TRIP12: variants seen among roughly 807,000 people sequenced by gnomAD.
TRIP12 encodes E3 ubiquitin-protein ligase TRIP12.
A neutral mutation model predicts 244.2 loss-of-function variants in TRIP12; 25 were observed. The observed-to-expected ratio is 0.10, with a 90% CI of 0.07 to 0.14. The LOEUF is 0.14. Ranked by LOEUF, TRIP12 falls within the 10% of genes least tolerant of loss-of-function variation. The pLI is 1.00. For missense variants in TRIP12, 1,677 were observed against 2,486.4 expected, an observed-to-expected ratio of 0.67 and a Z score of 6.92; for synonymous variants, 905 against 873.1, an observed-to-expected ratio of 1.04 and a Z score of -0.64.
At position 229,791,204 on chromosome 2, in the gene TRIP12, C is replaced by G. The variant is rs759895324; in HGVS notation, c.4463G>C (p.Gly1488Ala). 1 of 1,613,970 alleles carries G rather than the reference C, an allele frequency of 6.2e-7. No individual in the cohort carries two copies. The highest frequency in any genetic ancestry group is 1.3e-5 in the African/African-American group (1 of 74,914). Residue 1488 changes from glycine to alanine, a missense_variant, in exon 30 of 42, where the codon GGT (glycine) becomes GCT (alanine). Coordinates refer to ENST00000675903, the MANE Select transcript of TRIP12 (RefSeq NM_001348323.3). ...TGTTTGGGCTCTTCCTCTTTTACCACCAACACAATCTTTATTACTTTCTTC... is the reference window on the plus strand; with the variant it reads ...TGTTTGGGCTCTTCCTCTTTTACCAGCAACACAATCTTTATTACTTTCTTC... ...EDEESNKDCV[G>A]GKRGRAQTAP... is the part of the protein sequence containing the mutation.
chr2:229,882,284 C>A (rs906579077), intron 1 of TRIP12, among the ~76,000 whole-genome samples: 19 of 152,084 alleles, frequency 1.2e-4, no homozygotes, highest in African/African-American at 4.1e-4. Flanking sequence ...AAAATAAAAT[C>A]TAATATATTG....
At chr2:229,849,779 G>A (rs2058293249) in intron 4 of TRIP12, among the ~76,000 whole-genome samples, 2 of 151,964 alleles carry the variant, frequency 1.3e-5, no homozygotes, top group South Asian at 4.2e-4. Flanking sequence ...ATGCTGAGGT[G>A]GGAACACTGT....
chr2:229,803,826 CAA>C (rs201866032), intron 19 of TRIP12, 137 bp from the exon 20 acceptor site: 14,062 of 861,530 alleles, frequency 0.016, 137 homozygotes, highest in Middle Eastern at 0.021. Flanking sequence ...CTTAAATGCT[CAA>C]GTTTTATATT....
rs2031514282 is a variant in TRIP12 at position 229,765,722 on chromosome 2, T to C, written c.*1832A>G. The C allele has an allele frequency of 1.3e-5, 2 of 152,362 alleles. No homozygotes were observed. The highest frequency in any genetic ancestry group is 1.9e-4 in the East Asian group (1 of 5,190). 9.4% of individuals were successfully genotyped at this position (152,362 alleles called of 1,614,324 possible). On this transcript the variant is annotated 3_prime_UTR_variant, in exon 42 of 42. Coordinates refer to ENST00000675903, the MANE Select transcript of TRIP12 (RefSeq NM_001348323.3). ...AATTTGCAGGAAGATATCAGAACAGTTGAAAACAAATTGTTTCAGTCTTTA... is the reference window on the plus strand; with the variant it reads ...AATTTGCAGGAAGATATCAGAACAGCTGAAAACAAATTGTTTCAGTCTTTA...
intron 13 of TRIP12, among the ~76,000 whole-genome samples, chr2:229,813,326 A>G (rs552966667): frequency 1.3e-5 from 2 of 152,324 alleles, no homozygotes; most frequent in South Asian, 4.1e-4. Flanking sequence ...AAAAGTCAAA[A>G]TTGTTAAAGT....
intron 38 of TRIP12, 47 bp downstream of exon 38, chr2:229,774,050 C>T (rs757815614): frequency 3.2e-6 from 5 of 1,582,768 alleles, no homozygotes; most frequent in East Asian, 2.2e-5. Context: ...CAGGCAAAGT[C>T]CTCCGTCTTC....
intron 1 of TRIP12, among the ~76,000 whole-genome samples, chr2:229,911,744 G>T (rs1031958301): frequency 6.6e-6 from 1 of 151,954 alleles, no homozygotes; most frequent in Admixed American, 6.6e-5. Context: ...AATTAAAGGG[G>T]TAACAACTCT....
At chr2:229,792,526 G>C (rs2041804148) in intron 27 of TRIP12, among the ~76,000 whole-genome samples, 1 of 152,174 alleles carries the variant, frequency 6.6e-6, no homozygotes, top group African/African-American at 2.4e-5. Flanking sequence ...TTTTGTGCAT[G>C]AAACAAAGTG....
chr2:229,769,472 A>AT, intron 39 of TRIP12, 147 bp from the exon 40 acceptor site: 1 of 403,670 alleles, frequency 2.5e-6, no homozygotes, highest in Non-Finnish European at 4.2e-6. Flanking sequence ...AAAAAAAAAT[A>AT]ATAATAAAAT....
Position 229,860,387 on chromosome 2 carries a change from A to G in TRIP12, c.224+19T>C, listed in dbSNP as rs1213933111. On this transcript the variant is annotated intron_variant, in intron 3 of 41. Transcript: ENST00000675903. ...AAATAATTCTGCCTTGAAAATGTATAAGCAACATGAAGATTTACCTTTTAG... is the reference window on the plus strand; with the variant it reads ...AAATAATTCTGCCTTGAAAATGTATGAGCAACATGAAGATTTACCTTTTAG... 3 of 1,589,098 alleles carry G rather than the reference A, an allele frequency of 1.9e-6. No homozygotes were observed. Among genetic ancestry groups the G allele is most frequent in the Non-Finnish European group, 1.7e-6 (2 of 1,167,814 alleles).
intron 8 of TRIP12, among the ~76,000 whole-genome samples, chr2:229,822,135 C>A (rs971513190): frequency 3.3e-5 from 5 of 152,068 alleles, no homozygotes; most frequent in Middle Eastern, 6.8e-3. Flanking sequence ...AGCGAGACTC[C>A]GTCTCAAAAC....
chr2:229,877,434 G>A (rs2063810224), intron 2 of TRIP12, among the ~76,000 whole-genome samples: 1 of 152,186 alleles, frequency 6.6e-6, no homozygotes, highest in Non-Finnish European at 1.5e-5. Context: ...TTGGGAGGCT[G>A]AGGCAGGAGA....
chr2:229,769,794 T>G (rs925472621), intron 39 of TRIP12, among the ~76,000 whole-genome samples: 1 of 152,066 alleles, frequency 6.6e-6, no homozygotes, highest in African/African-American at 2.4e-5. Flanking sequence ...AGCAAATGGG[T>G]AGGTCTTTAC....
intron 38 of TRIP12, 25 bp from the exon 39 acceptor site, chr2:229,771,657 A>G: frequency 6.4e-7 from 1 of 1,562,396 alleles, no homozygotes; most frequent in Non-Finnish European, 8.8e-7. Flanking sequence ...TTTTCAAAAA[A>G]CTGTGACAAG....
In TRIP12 at chr2:229,813,926, C is replaced by G; in HGVS notation, c.1930G>C (p.Glu644Gln). The G allele has an allele frequency of 6.3e-7, 1 of 1,594,184 alleles. No individual in the cohort carries two copies. Among genetic ancestry groups the G allele is most frequent in the Non-Finnish European group, 8.6e-7 (1 of 1,165,364 alleles). Reference protein sequence around the residue: ...ANCCQSITPDEFHFVADSLPL... With the variant: ...ANCCQSITPDQFHFVADSLPL... ...AGTGAATCTGCCACAAAATGAAATT[C>G]ATCTGGCGTGATACTCTGGCAGCAA... The change falls in exon 13 of 42, where the codon GAA becomes CAA. Residue 644 changes from glutamate to glutamine, a missense_variant. By Grantham distance (29) the Glu-to-Gln change is conservative. Coordinates refer to ENST00000675903, the MANE Select transcript of TRIP12 (RefSeq NM_001348323.3).
At chr2:229,852,852 T>C (rs2058973918) in intron 4 of TRIP12, among the ~76,000 whole-genome samples, 1 of 152,214 alleles carries the variant, frequency 6.6e-6, no homozygotes. Context: ...CCTCACTAAA[T>C]GTATTATATC....
Position 229,818,465 on chromosome 2 carries a change from T to A in TRIP12, c.1498A>T (p.Ser500Cys), listed in dbSNP as rs2049050257. The A allele has an allele frequency of 6.2e-7, 1 of 1,614,142 alleles. No individual in the cohort carries two copies. Among genetic ancestry groups the A allele is most frequent in the East Asian group, 2.2e-5 (1 of 44,876 alleles). ...LLQGLQASDE[S>C]QQLQAVIEMC... ...TCAATAACTGCCTGAAGCTGTTGAC[T>A]TTCATCACTGGCTTGCAATCCTTGT... is the stretch of plus-strand genomic sequence containing the variant. Residue 500 changes from serine to cysteine, a missense_variant, in exon 9 of 42, where the codon AGT becomes TGT. Physicochemically the swap from Ser to Cys is moderately radical, Grantham distance 112. Transcript: ENST00000675903.
intron 11 of TRIP12, among the ~76,000 whole-genome samples, chr2:229,814,685 T>C (rs1559590533): frequency 6.6e-6 from 1 of 152,194 alleles, no homozygotes; most frequent in Non-Finnish European, 1.5e-5. Context: ...AATTTTGTTG[T>C]GCGTTAAACA....
chr2:229,901,370 C>T (rs1255603500), intron 1 of TRIP12, among the ~76,000 whole-genome samples: 1 of 151,770 alleles, frequency 6.6e-6, no homozygotes, highest in African/African-American at 2.4e-5. Flanking sequence ...CTTGTAATCC[C>T]AGCACTTTGG....
Sources: gnomAD v4.1 joint callset for allele counts (sites outside exome capture counted in the v4.1 genomes callset) on GRCh38, gnomAD v4.1.1 for gene constraint, MANE v1.5 for transcripts, NCBI Gene and HGNC (gene_info 2026-07-23, HGNC 2026-07-21) for gene names.